The following TSPAN7 variants were observed in gnomAD, a reference collection of about 807,000 sequenced individuals.
The protein encoded by TSPAN7 is tetraspanin-7.
Under a neutral mutation model 17.6 loss-of-function variants are expected in TSPAN7, and 1 was observed. The observed-to-expected ratio is 0.06, with a 90% CI of 0.02 to 0.27. The LOEUF (loss-of-function observed/expected upper bound fraction) is 0.27. Among genes scored for constraint, TSPAN7 ranks in the 10% least tolerant of loss-of-function variants. The pLI, the probability that TSPAN7 is intolerant of heterozygous loss-of-function variation, is 1.00. For missense variants in TSPAN7, 112 were observed against 201.7 expected (o/e 0.56, Z 2.69); for synonymous variants, 78 against 79.0 (o/e 0.99, Z 0.07).
intron 6 of TSPAN7, among the ~76,000 whole-genome samples, chrX:38,684,288 G>T (rs761990092): frequency 8.9e-6 from 1 of 112,329 alleles, no homozygotes; most frequent in South Asian, 3.7e-4. Context: ...CAGCAGGGTT[G>T]TGTCAAGCAT....
At chrX:38,633,973 T>C (rs951963389) in intron 1 of TSPAN7, among the ~76,000 whole-genome samples, 1 of 112,088 alleles carries the variant, frequency 8.9e-6, no homozygotes, top group African/African-American at 3.2e-5. Flanking sequence ...CATGAGATGA[T>C]TGCTAGATGC....
intron 1 of TSPAN7, among the ~76,000 whole-genome samples, chrX:38,633,531 A>G (rs973320575): frequency 3.5e-5 from 4 of 112,748 alleles, no homozygotes; most frequent in Non-Finnish European, 7.5e-5. Context: ...TGATAGTAAT[A>G]TAGCTACTTC....
At chrX:38,673,235 G>T (rs1348282351) in intron 3 of TSPAN7, among the ~76,000 whole-genome samples, 9 of 111,666 alleles carry the variant, frequency 8.1e-5, no homozygotes, top group African/African-American at 2.6e-4. Flanking sequence ...ACCAATTGGG[G>T]GTCAGTTTTA....
At chrX:38,610,037 T>C (rs1241329598) in intron 1 of TSPAN7, among the ~76,000 whole-genome samples, 1 of 111,677 alleles carries the variant, frequency 9.0e-6, no homozygotes, top group Non-Finnish European at 1.9e-5. Context: ...AAATGTACGA[T>C]TGGCATTCCA....
intron 3 of TSPAN7, among the ~76,000 whole-genome samples, chrX:38,672,322 T>A (rs1034698612): frequency 2.7e-5 from 3 of 110,238 alleles, no homozygotes; most frequent in East Asian, 2.8e-4. Context: ...TTTTTTTTAA[T>A]TTTTTTAAAA....
At chrX:38,620,208 C>T (rs2069481530) in intron 1 of TSPAN7, among the ~76,000 whole-genome samples, 1 of 111,884 alleles carries the variant, frequency 8.9e-6, no homozygotes, top group Non-Finnish European at 1.9e-5. Context: ...TCAGTTGCAA[C>T]TCTAACTCAT....
At chrX:38,607,742 C>T (rs955566421) in intron 1 of TSPAN7, among the ~76,000 whole-genome samples, 9 of 110,540 alleles carry the variant, frequency 8.1e-5, no homozygotes, top group African/African-American at 2.6e-4. Context: ...TGAGCACTGA[C>T]GATTGAACTT....
chrX:38,561,705 G>T lies in TSPAN7; in HGVS notation c.81+78G>T, dbSNP rs1033313083. The T allele has an allele frequency of 8.6e-6, 8 of 927,117 alleles. 1 individual carries two copies. The South Asian group carries it at 1.6e-4, about 19-fold the overall frequency. 76.4% of individuals were successfully genotyped at this position (927,117 alleles called of 1,213,427 possible). A position where few individuals can be genotyped will look rare whatever the true frequency, so the allele number is the denominator to read the frequency against. Reference sequence around the variant, plus strand: ...ATGATGCTCTGAGAAAAGAAGTGGGGAGGAAAACCCAAACCAAAAATCAAA... The same window carrying T: ...ATGATGCTCTGAGAAAAGAAGTGGGTAGGAAAACCCAAACCAAAAATCAAA... On this transcript the variant is annotated intron_variant, in intron 1 of 7. Transcript: ENST00000378482.
chrX:38,611,001 G>A (rs1602098406), intron 1 of TSPAN7, among the ~76,000 whole-genome samples: 1 of 112,035 alleles, frequency 8.9e-6, no homozygotes, highest in Non-Finnish European at 1.9e-5. Flanking sequence ...TCCAAAAGAG[G>A]TAAGAGAAAA....
At chrX:38,577,444 A>G (rs968822646) in intron 1 of TSPAN7, among the ~76,000 whole-genome samples, 1 of 110,479 alleles carries the variant, frequency 9.1e-6, no homozygotes, top group Admixed American at 9.6e-5. Flanking sequence ...TGAGATAATC[A>G]GCCTTGTAAG....
chrX:38,562,757 G>T (rs34913508), intron 1 of TSPAN7, among the ~76,000 whole-genome samples: 22,358 of 110,187 alleles, frequency 0.2, 2,864 homozygotes, highest in African/African-American at 0.47. Context: ...AGTTCCTTAC[G>T]CCCATAATCA....
chrX:38,586,109 C>T (rs889288053), intron 1 of TSPAN7, among the ~76,000 whole-genome samples: 7 of 112,673 alleles, frequency 6.2e-5, no homozygotes, highest in African/African-American at 1.9e-4. Flanking sequence ...TCACCACCAA[C>T]TGGAATCTTG....
chrX:38,683,898 G>A (rs749664823), intron 6 of TSPAN7, among the ~76,000 whole-genome samples: 3 of 112,988 alleles, frequency 2.7e-5, no homozygotes, highest in Non-Finnish European at 5.6e-5. Context: ...AGCAAATGTT[G>A]GCTGATATTG....
chrX:38,588,280 A>G (rs1329750320), intron 1 of TSPAN7, among the ~76,000 whole-genome samples: 1 of 111,420 alleles, frequency 9.0e-6, no homozygotes, highest in Non-Finnish European at 1.9e-5. Flanking sequence ...TAATGAGAAT[A>G]TACCAATTTT....
At chrX:38,643,801 C>T (rs894589173) in intron 1 of TSPAN7, among the ~76,000 whole-genome samples, 6 of 110,990 alleles carry the variant, frequency 5.4e-5, no homozygotes, top group East Asian at 2.8e-4. Flanking sequence ...GCCGAGATCG[C>T]GCCACTGCAC....
intron 1 of TSPAN7, among the ~76,000 whole-genome samples, chrX:38,578,796 G>A (rs977042384): frequency 4.5e-5 from 5 of 111,251 alleles, no homozygotes; most frequent in Non-Finnish European, 9.4e-5. Flanking sequence ...TACTAAAAAC[G>A]CTGTTCAAAT....
At chrX:38,647,651 CT>C (rs901412189) in intron 1 of TSPAN7, among the ~76,000 whole-genome samples, 6 of 111,911 alleles carry the variant, frequency 5.4e-5, no homozygotes, top group African/African-American at 2.0e-4. Flanking sequence ...CAAATTGAAA[CT>C]GTAATCTGCA....
intron 1 of TSPAN7, among the ~76,000 whole-genome samples, chrX:38,636,758 C>G (rs191189744): frequency 9.0e-6 from 1 of 110,622 alleles, no homozygotes; most frequent in Admixed American, 9.6e-5. Context: ...TCACTGCAAC[C>G]TCCGCCTCCC....
intron 3 of TSPAN7, 37 bp from the exon 4 acceptor site, chrX:38,674,184 G>A (rs2069838764): frequency 8.5e-6 from 9 of 1,056,176 alleles, no homozygotes; most frequent in African/African-American, 1.9e-5. Flanking sequence ...TTTGGGCTGT[G>A]GTGGACTGCA....
Sources: gnomAD v4.1 joint callset for allele counts (sites outside exome capture counted in the v4.1 genomes callset) on GRCh38, gnomAD v4.1.1 for gene constraint, MANE v1.5 for transcripts, NCBI Gene and HGNC (gene_info 2026-07-23, HGNC 2026-07-21) for gene names.